Variants in INPP5A observed in about 807,000 individuals in gnomAD.
The protein encoded by INPP5A is inositol polyphosphate-5-phosphatase A, also known as 43 kDa inositol polyphosphate 5-phophatase.
In INPP5A, 14 loss-of-function variants were observed where a neutral mutation model predicts 65.2. The observed-to-expected ratio is 0.21, with a 90% confidence interval of 0.14 to 0.34. INPP5A has a LOEUF of 0.34. Among genes scored for constraint, INPP5A ranks in the 10% least tolerant of loss-of-function variants. The pLI, the probability that INPP5A is intolerant of heterozygous loss-of-function variation, is 1.00. For missense variants in INPP5A, 431 were observed against 545.6 expected (o/e 0.79, Z 2.09); for synonymous variants, 207 against 208.3 (o/e 0.99, Z 0.05).
chr10:132,744,704 CT>C (rs558168307), intron 9 of INPP5A, among the ~76,000 whole-genome samples: 146 of 152,270 alleles, frequency 9.6e-4, no homozygotes, highest in African/African-American at 3.3e-3. Flanking sequence ...TGTGAACGCC[CT>C]TTTACTCCCT....
Position 132,610,116 on chromosome 10 carries a change from A to G in INPP5A, c.117+2160A>G, listed in dbSNP as rs73399389. Reference sequence around the variant, plus strand: ...CATGGCGGACACCGAGGTCCCGGCAACAGCTCCCAACAAACCCTGGGCTTC... The same window carrying G: ...CATGGCGGACACCGAGGTCCCGGCAGCAGCTCCCAACAAACCCTGGGCTTC... On this transcript the variant is annotated intron_variant, in intron 2 of 15. Transcript: ENST00000368594. 4.0e-3 allele frequency among the ~76,000 whole-genome samples: 604 copies of G among 152,288 alleles called. 3 individuals are homozygous for G. The highest frequency in any genetic ancestry group is 0.014 in the African/African-American group (577 of 41,572).
chr10:132,690,530 T>C (rs1047075847), intron 5 of INPP5A, 75 bp downstream of exon 5: 5 of 1,087,594 alleles, frequency 4.6e-6, no homozygotes, highest in East Asian at 4.7e-5. Context: ...CCCAGACCTC[T>C]CCTGCCCTGT....
At chr10:132,771,111 T>A (rs910081452) in intron 12 of INPP5A, among the ~76,000 whole-genome samples, 3 of 152,240 alleles carry the variant, frequency 2.0e-5, no homozygotes, top group African/African-American at 7.2e-5. Context: ...TCAATCTTTC[T>A]GGCAAAATAT....
chr10:132,663,706 A>G lies in INPP5A; in HGVS notation c.306+13201A>G, dbSNP rs535480902. Among the ~76,000 whole-genome samples the G allele has an allele frequency of 1.3e-5, 2 of 152,266 alleles. No individual in the cohort carries two copies. The highest frequency in any genetic ancestry group is 4.1e-4 in the South Asian group (2 of 4,822). On this transcript the variant is annotated intron_variant, in intron 4 of 15. Transcript: ENST00000368594. This position sits in a 1 kb window ranked among gnomAD's most constrained non-coding sequence, Gnocchi z 4.5. ...GTCTGTGCCTGTGGCAGCCGTCTGC[A>G]TGACTTTGGGTCATTGCGCTTTCCT...
chr10:132,775,168 A>AGGAGAGAGGGGCAGG (rs1565014109), intron 12 of INPP5A, among the ~76,000 whole-genome samples: 2 of 7,098 alleles, frequency 2.8e-4, no homozygotes, highest in Non-Finnish European at 6.0e-4. Context: ...AGAGGGGCAG[A>AGGAGAGAGGGGCAGG]GAGGAGGGGC....
rs2072032009 is a variant in INPP5A at position 132,616,284 on chromosome 10, G to A, written c.117+8328G>A. ...GTTGGTTGTGAACAAGCATCCAAGG[G>A]AGGACCACAGTGGCAGATGTGCAGT... On this transcript the variant is annotated intron_variant, in intron 2 of 15. Coordinates refer to ENST00000368594, the MANE Select transcript of INPP5A (RefSeq NM_005539.5). The surrounding 1 kb of genome is among the most constrained non-coding windows in gnomAD (Gnocchi z 4.9). 1.3e-5 allele frequency among the ~76,000 whole-genome samples: 2 copies of A among 152,246 alleles called. No homozygotes were observed. The highest frequency in any genetic ancestry group is 4.1e-4 in the South Asian group (2 of 4,836).
At chr10:132,654,615 C>A (rs1027247675) in intron 4 of INPP5A, among the ~76,000 whole-genome samples, 7 of 152,208 alleles carry the variant, frequency 4.6e-5, no homozygotes, top group Admixed American at 3.9e-4. Context: ...CAGGTGCCCT[C>A]TGGCTGTCAG....
chr10:132,759,810 G>A (rs1049833521), intron 11 of INPP5A, among the ~76,000 whole-genome samples: 4 of 152,198 alleles, frequency 2.6e-5, no homozygotes, highest in East Asian at 3.9e-4. Context: ...TAGCCCTGGC[G>A]TCCTCAGAGC....
chr10:132,579,961 A>G (rs1221221964), intron 1 of INPP5A, among the ~76,000 whole-genome samples: 1 of 141,648 alleles, frequency 7.1e-6, no homozygotes, highest in Non-Finnish European at 1.5e-5. Flanking sequence ...TATCTTGCCT[A>G]GGCTGGTCCA....
chr10:132,721,033 C>T (rs528827241), intron 8 of INPP5A, among the ~76,000 whole-genome samples: 32 of 146,514 alleles, frequency 2.2e-4, no homozygotes, highest in South Asian at 8.7e-4. Flanking sequence ...TTCTGTGGTA[C>T]CTGGGTTCTG....
At position 132,749,530 on chromosome 10, in the gene INPP5A, A is replaced by C. The variant is rs763308194; in HGVS notation, c.746A>C (p.Lys249Thr). ...GTCTTTCTGCAGACGCTCTGCACAA[A>C]AGCCACCATGCAGACGGTCCGGGCC... ...SKSVVETLCTKATMQTVRAAD... is the reference protein window; with the variant it reads ...SKSVVETLCTTATMQTVRAAD... Residue 249 changes from lysine to threonine, a missense_variant, in exon 10 of 16, where the codon AAA (lysine) becomes ACA (threonine). Transcript: ENST00000368594. 9.3e-6 allele frequency: 15 copies of C among 1,612,870 alleles called. No homozygotes were observed. Among genetic ancestry groups the C allele is most frequent in the Non-Finnish European group, 1.3e-5 (15 of 1,179,980 alleles).
chr10:132,623,078 C>A (rs1316332615), intron 2 of INPP5A, among the ~76,000 whole-genome samples: 1 of 152,186 alleles, frequency 6.6e-6, no homozygotes, highest in African/African-American at 2.4e-5. Flanking sequence ...AACCAATCTA[C>A]TGAGTTAGTG....
At position 132,644,913 on chromosome 10, in the gene INPP5A, G is replaced by A. The variant is rs1056797658; in HGVS notation, c.118-955G>A. Among the ~76,000 whole-genome samples, 1 of 152,164 alleles carries A rather than the reference G, an allele frequency of 6.6e-6. No individual in the cohort carries two copies. The highest frequency in any genetic ancestry group is 1.5e-5 in the Non-Finnish European group (1 of 68,030). On this transcript the variant is annotated intron_variant, in intron 2 of 15. Transcript: ENST00000368594. The surrounding 1 kb of genome is among the most constrained non-coding windows in gnomAD (Gnocchi z 6.5). ...GCCTGTCAGGACTCCCATGAGTGGC[G>A]AGGTGTGCGGTGTGGGGCAGTGGCT... is the stretch of plus-strand genomic sequence containing the variant.
rs767849052 is a variant in INPP5A, at chr10:132,777,636, C to T, written c.978-35C>T. 2.8e-5 allele frequency: 45 copies of T among 1,597,252 alleles called. 1 individual carries two copies. The highest frequency in any genetic ancestry group is 1.0e-4 in the South Asian group (9 of 89,960). On this transcript the variant is annotated intron_variant, in intron 12 of 15. Transcript: ENST00000368594. ...CTTTGGGGCTGAGGACGGCCCGAGC[C>T]GGCCGGCTGACCCTCTGCCTTCATG...
At chr10:132,781,665 C>G (rs1356186647) in intron 14 of INPP5A, among the ~76,000 whole-genome samples, 196 bp from the exon 15 acceptor site, 1 of 152,240 alleles carries the variant, frequency 6.6e-6, no homozygotes, top group African/African-American at 2.4e-5. Context: ...GTTCCACATT[C>G]ACGGGGCCCC....
intron 11 of INPP5A, among the ~76,000 whole-genome samples, chr10:132,752,652 G>A (rs1244038181): frequency 2.4e-5 from 3 of 127,460 alleles, no homozygotes; most frequent in South Asian, 2.8e-4. Flanking sequence ...GGAGGGACAC[G>A]GGGCGTGGAG....
chr10:132,730,454 C>G (rs1221679808), intron 9 of INPP5A, among the ~76,000 whole-genome samples: 1 of 152,270 alleles, frequency 6.6e-6, no homozygotes, highest in Non-Finnish European at 1.5e-5. Flanking sequence ...ACGTCTGTCC[C>G]TCACGCCCTG....
chr10:132,696,291 G>A (rs1245118899), intron 5 of INPP5A, among the ~76,000 whole-genome samples: 1 of 152,164 alleles, frequency 6.6e-6, no homozygotes, highest in Non-Finnish European at 1.5e-5. Flanking sequence ...CACAACCCCA[G>A]CAAGGTGTGT....
intron 1 of INPP5A, among the ~76,000 whole-genome samples, chr10:132,593,863 ATAT>A (rs2133317946): frequency 6.6e-6 from 1 of 152,254 alleles, no homozygotes; most frequent in Non-Finnish European, 1.5e-5. Flanking sequence ...CAAAGCTCTT[ATAT>A]GTTGCAACTG....
Sources: allele counts gnomAD v4.1 joint callset (sites outside exome capture counted in the v4.1 genomes callset), GRCh38; gene constraint gnomAD v4.1.1; non-coding constraint Gnocchi (gnomAD v3.1); transcripts MANE v1.5; gene names NCBI Gene and HGNC (gene_info 2026-07-23, HGNC 2026-07-21).